The following TMEM132D variants were observed in gnomAD, a reference collection of about 807,000 sequenced individuals.
TMEM132D encodes transmembrane protein 132D, also known as mature OL transmembrane protein.
Under a neutral mutation model 62.3 loss-of-function variants are expected in TMEM132D, and 21 were observed. That is an observed-to-expected ratio of 0.34 (90% CI 0.24 to 0.49). The LOEUF (loss-of-function observed/expected upper bound fraction) is 0.49. Among genes scored for constraint, TMEM132D ranks in the 20% least tolerant of loss-of-function variants. The pLI, the probability that TMEM132D is intolerant of heterozygous loss-of-function variation, is 0.99. For synonymous variants in TMEM132D, 621 were observed against 575.6 expected (o/e 1.08, Z -1.13); for missense variants, 1,346 against 1,402.8 (o/e 0.96, Z 0.65).
intron 2 of TMEM132D, among the ~76,000 whole-genome samples, chr12:129,597,909 A>T (rs1381359566): frequency 6.6e-6 from 1 of 152,092 alleles, no homozygotes; most frequent in Non-Finnish European, 1.5e-5. Flanking sequence ...GGATGGGGTG[A>T]TGGGTACATT....
intron 4 of TMEM132D, among the ~76,000 whole-genome samples, chr12:129,268,661 T>G (rs915963816): frequency 1.3e-5 from 2 of 152,148 alleles, no homozygotes. Context: ...AGACATCCCA[T>G]TACTGGGTAT....
intron 2 of TMEM132D, among the ~76,000 whole-genome samples, chr12:129,615,737 C>T (rs1219528361): frequency 2.0e-5 from 3 of 150,088 alleles, no homozygotes; most frequent in African/African-American, 7.4e-5. Flanking sequence ...ATGCCACAGC[C>T]TGGATGACAG....
At chr12:129,632,888 T>C (rs1879383562) in intron 2 of TMEM132D, among the ~76,000 whole-genome samples, 1 of 152,210 alleles carries the variant, frequency 6.6e-6, no homozygotes, top group African/African-American at 2.4e-5. Flanking sequence ...GCCACTTCGG[T>C]GCATTCACGC....
intron 5 of TMEM132D, among the ~76,000 whole-genome samples, chr12:129,184,170 C>T (rs1878155308): frequency 6.6e-6 from 1 of 152,202 alleles, no homozygotes; most frequent in Non-Finnish European, 1.5e-5. Flanking sequence ...TCCGTTAAGA[C>T]AACATCTGAT....
chr12:129,364,102 C>T (rs1870332608), intron 3 of TMEM132D, among the ~76,000 whole-genome samples: 1 of 152,198 alleles, frequency 6.6e-6, no homozygotes, highest in East Asian at 1.9e-4. Flanking sequence ...ATCATGAACA[C>T]TCTCCAGATA....
chr12:129,159,027 T>C (rs1470926789), intron 5 of TMEM132D, among the ~76,000 whole-genome samples: 1 of 152,170 alleles, frequency 6.6e-6, no homozygotes, highest in Non-Finnish European at 1.5e-5. Context: ...TCCAATCACT[T>C]CCCACTAGGT....
rs147108971 is a variant in TMEM132D at position 129,547,178 on chromosome 12, G to A, written c.969-15973C>T. Among the ~76,000 whole-genome samples, 1,488 of 152,212 alleles carry A rather than the reference G, an allele frequency of 9.8e-3. 13 individuals carry two copies. Among genetic ancestry groups the A allele is most frequent in the Non-Finnish European group, 0.014 (955 of 68,002 alleles). ...CCTCACCCGGGGCAGCATCACCCCC[G>A]TCTCTGCCTCCATGGTTACACAGCT... On this transcript the variant is annotated intron_variant, in intron 2 of 8. Transcript: ENST00000422113.
chr12:129,350,034 C>T (rs12300034), intron 3 of TMEM132D, among the ~76,000 whole-genome samples: 28,189 of 152,172 alleles, frequency 0.19, 2,718 homozygotes, highest in Non-Finnish European at 0.2. Flanking sequence ...ATCTGGCTGT[C>T]TTTATTACCT....
chr12:129,209,535 A>G lies in TMEM132D; in HGVS notation c.1428T>C (p.Asp476=). ...GTCAACTTGCCTTAATCACGTCTTC[A>G]TCAGACGATCTACACTCCACAGACT... ...LLESVECRSS[D]EDVIKVSDRC... The change falls in exon 5 of 9, where the codon GAT becomes GAC. Residue 476 remains aspartate, a synonymous_variant. Coordinates refer to ENST00000422113, the MANE Select transcript of TMEM132D (RefSeq NM_133448.3). 1 of 1,580,084 alleles carries G rather than the reference A, an allele frequency of 6.3e-7. No homozygotes were observed. The highest frequency in any genetic ancestry group is 8.6e-7 in the Non-Finnish European group (1 of 1,164,718).
At chr12:129,260,283 CCT>C (rs1220460958) in intron 4 of TMEM132D, among the ~76,000 whole-genome samples, 3 of 152,010 alleles carry the variant, frequency 2.0e-5, no homozygotes, top group Non-Finnish European at 4.4e-5. Context: ...ATAATATGCC[CCT>C]GAGAGGTGGG....
At chr12:129,505,872 G>T (rs1875314163) in intron 3 of TMEM132D, among the ~76,000 whole-genome samples, 1 of 152,110 alleles carries the variant, frequency 6.6e-6, no homozygotes, top group South Asian at 2.1e-4. Context: ...CATTTGCATG[G>T]AATGTCTTTT....
At chr12:129,783,285 G>A (rs763966823) in intron 1 of TMEM132D, among the ~76,000 whole-genome samples, 40 of 152,304 alleles carry the variant, frequency 2.6e-4, no homozygotes, top group Middle Eastern at 3.4e-3. Context: ...ACAGTGTTGA[G>A]CATCCATCTA....
At chr12:129,380,720 T>TCCCC (rs1349797132) in intron 3 of TMEM132D, among the ~76,000 whole-genome samples, 2 of 152,044 alleles carry the variant, frequency 1.3e-5, no homozygotes, top group East Asian at 3.8e-4. Flanking sequence ...CCCTCTCCTG[T>TCCCC]CCCCCATCCC....
intron 3 of TMEM132D, among the ~76,000 whole-genome samples, chr12:129,488,060 G>A (rs1874644645): frequency 1.3e-5 from 2 of 151,796 alleles, no homozygotes; most frequent in Admixed American, 1.3e-4. Flanking sequence ...GTGAGGACAT[G>A]GTGTCCTCAG....
At chr12:129,423,702 C>A (rs763227504) in intron 3 of TMEM132D, among the ~76,000 whole-genome samples, 2 of 152,070 alleles carry the variant, frequency 1.3e-5, no homozygotes, top group Non-Finnish European at 2.9e-5. Context: ...TACGGACAGA[C>A]CCTTAGAAAA....
chr12:129,728,945 G>A (rs1471107680), intron 1 of TMEM132D, among the ~76,000 whole-genome samples: 3 of 152,156 alleles, frequency 2.0e-5, no homozygotes, highest in Admixed American at 6.5e-5. Context: ...TCCAAAGCTT[G>A]TTTTATCTGA....
chr12:129,150,507 T>C (rs1877041667), intron 5 of TMEM132D, among the ~76,000 whole-genome samples: 2 of 152,240 alleles, frequency 1.3e-5, no homozygotes, highest in Admixed American at 1.3e-4. Context: ...CTTCAGAAAA[T>C]ACCCTGAAGT....
chr12:129,581,184 C>T (rs7310081), intron 2 of TMEM132D, among the ~76,000 whole-genome samples: 68,979 of 151,926 alleles, frequency 0.45, 15,997 homozygotes, highest in East Asian at 0.57. Flanking sequence ...CTCTTGCCCA[C>T]GTGATCTCTG....
chr12:129,084,526 A>T lies in TMEM132D; in HGVS notation c.1620T>A (p.Gly540=), dbSNP rs754162885. Residue 540 remains glycine, a synonymous_variant, in exon 6 of 9, where the codon GGT becomes GGA. Transcript: ENST00000422113. ...VSDTELNQIK[G]WRVPIVSSRR... is the part of the protein sequence containing the mutation. ...TGCTGGAGACGATGGGCACTCTCCA[A>T]CCCTTGATCTGATTGAGCTCGGTGT... The T allele has an allele frequency of 3.1e-6, 5 of 1,608,984 alleles. No homozygotes were observed. In the South Asian group the frequency reaches 5.6e-5, roughly 18 times the overall value.
Sources: gnomAD v4.1 joint callset for allele counts (sites outside exome capture counted in the v4.1 genomes callset) on GRCh38, gnomAD v4.1.1 for gene constraint, MANE v1.5 for transcripts, NCBI Gene and HGNC (gene_info 2026-07-23, HGNC 2026-07-21) for gene names.